The following MCPH1 variants were observed in gnomAD, a reference collection of about 807,000 sequenced individuals.
The protein encoded by MCPH1 is microcephalin.
Under a neutral mutation model 84.5 loss-of-function variants are expected in MCPH1, and 104 were observed. That is an observed-to-expected ratio of 1.23 (90% confidence interval 1.05 to 1.45). The LOEUF (loss-of-function observed/expected upper bound fraction) is 1.45. MCPH1 is among the 40% of genes most tolerant of loss of function. The pLI, the probability that MCPH1 is intolerant of heterozygous loss-of-function variation, is 0.00. For synonymous variants in MCPH1, 514 were observed against 366.8 expected (o/e 1.40, Z -4.58); for missense variants, 1,498 against 1,005.7 (o/e 1.49, Z -6.62).
intron 12 of MCPH1, among the ~76,000 whole-genome samples, chr8:6,510,652 T>C (rs775677716): frequency 2.6e-5 from 4 of 152,208 alleles, no homozygotes; most frequent in Admixed American, 1.3e-4. Flanking sequence ...GGTCAGACTC[T>C]TAAGTCATGG....
chr8:6,563,976 C>CTTTTT (rs11358428), intron 12 of MCPH1, among the ~76,000 whole-genome samples: 3 of 85,406 alleles, frequency 3.5e-5, no homozygotes, highest in Non-Finnish European at 4.9e-5. Flanking sequence ...GGAATACAAA[C>CTTTTT]TTTTTTTTTT....
At chr8:6,466,496 A>G (rs774257871) in intron 9 of MCPH1, among the ~76,000 whole-genome samples, 4 of 152,144 alleles carry the variant, frequency 2.6e-5, no homozygotes, top group Admixed American at 1.3e-4. Context: ...TTCGGTAGCA[A>G]CGAGGTTTCG....
chr8:6,408,958 T>C (rs1313892593), intron 1 of MCPH1, among the ~76,000 whole-genome samples: 2 of 151,946 alleles, frequency 1.3e-5, no homozygotes, highest in African/African-American at 4.8e-5. Context: ...CAATCTCGGC[T>C]CACTGCAACC....
chr8:6,576,683 T>A (rs1270019873), intron 12 of MCPH1, among the ~76,000 whole-genome samples: 23 of 12,086 alleles, frequency 1.9e-3, no homozygotes, highest in African/African-American at 0.015. Flanking sequence ...AATTTTTGTA[T>A]TTTTTTTTTT....
rs1813215751 is a variant in MCPH1 at position 6,505,310 on chromosome 8, A to ATGTTT, written c.2214+5381_2214+5382insTGTTT. 4.1e-5 allele frequency among the ~76,000 whole-genome samples: 3 copies of ATGTTT among 72,940 alleles called. 1 individual carries two copies. In the East Asian group the frequency reaches 1.0e-3, roughly 25 times the overall value. The allele number at this position is 72,940 out of a possible 152,430, so 47.9% of individuals were successfully genotyped here. On this transcript the variant is annotated intron_variant, in intron 12 of 13. Transcript: ENST00000344683. ...TGTTATATACATATATATGTATATA[A>ATGTTT]CATATATATGTTATATACATATAGA... is the stretch of plus-strand genomic sequence containing the variant.
intron 12 of MCPH1, among the ~76,000 whole-genome samples, chr8:6,537,483 A>T (rs1271196741): frequency 6.6e-6 from 1 of 152,024 alleles, no homozygotes; most frequent in Non-Finnish European, 1.5e-5. Context: ...CCCCAGACAT[A>T]GTCTTTAAAA....
intron 11 of MCPH1, among the ~76,000 whole-genome samples, chr8:6,488,633 G>C (rs1810219699): frequency 6.6e-6 from 1 of 152,154 alleles, no homozygotes; most frequent in African/African-American, 2.4e-5. Flanking sequence ...CTGCACCTTT[G>C]CAAGAAAGAG....
At chr8:6,527,734 A>G in intron 12 of MCPH1, 3 of 1,473,514 alleles carry the variant, frequency 2.0e-6, no homozygotes, top group Non-Finnish European at 2.7e-6. Flanking sequence ...TAACTTTCTA[A>G]CTTCCTTTTC....
rs745847798 is a variant in MCPH1 at position 6,455,220 on chromosome 8, G to A, written c.1903G>A (p.Glu635Lys). ...CTTTAAGGACCTCATCAAACCTCAT[G>A]AGGAATTGAAGAAAAGTGGGAGAGG... ...DGFKDLIKPH[E>K]ELKKSGRGKK... Residue 635 changes from glutamate to lysine, a missense_variant, in exon 9 of 14, where the codon GAG (glutamate) becomes AAG (lysine). Transcript: ENST00000344683. 1.1e-5 allele frequency: 17 copies of A among 1,613,890 alleles called. No homozygotes were observed. The African/African-American group carries it at 2.1e-4, about 20-fold the overall frequency.
At chr8:6,466,974 A>T (rs748406807) in intron 9 of MCPH1, among the ~76,000 whole-genome samples, 2 of 152,242 alleles carry the variant, frequency 1.3e-5, no homozygotes, top group Non-Finnish European at 2.9e-5. Flanking sequence ...AATATAAATT[A>T]TTTGATATTA....
At chr8:6,432,399 G>A (rs754869858) in intron 4 of MCPH1, among the ~76,000 whole-genome samples, 7 of 151,520 alleles carry the variant, frequency 4.6e-5, no homozygotes, top group Admixed American at 3.3e-4. Context: ...ATTTCCAATC[G>A]CGACTGGTTG....
chr8:6,566,356 C>T (rs1826148920), intron 12 of MCPH1, among the ~76,000 whole-genome samples: 1 of 152,110 alleles, frequency 6.6e-6, no homozygotes, highest in Admixed American at 6.5e-5. Flanking sequence ...GTTGGCAAGG[C>T]TGTCAGCAGT....
intron 13 of MCPH1, among the ~76,000 whole-genome samples, chr8:6,630,283 G>A (rs1294770047): frequency 6.6e-6 from 1 of 152,152 alleles, no homozygotes; most frequent in African/African-American, 2.4e-5. Flanking sequence ...TAGGGTTCCA[G>A]GAGAAATACT....
intron 10 of MCPH1, among the ~76,000 whole-genome samples, chr8:6,478,551 C>T (rs775587728): frequency 1.4e-4 from 21 of 152,054 alleles, no homozygotes; most frequent in Non-Finnish European, 2.2e-4. Flanking sequence ...TCTTGTCTTA[C>T]TCTTTTTTTC....
intron 12 of MCPH1, among the ~76,000 whole-genome samples, chr8:6,529,892 T>TA (rs1489316799): frequency 6.6e-6 from 1 of 151,612 alleles, no homozygotes; most frequent in Non-Finnish European, 1.5e-5. Context: ...GTTTTTTTTT[T>TA]AAATCATATG....
chr8:6,434,103 T>G (rs79541467), intron 4 of MCPH1, among the ~76,000 whole-genome samples: 49 of 152,322 alleles, frequency 3.2e-4, no homozygotes, highest in Non-Finnish European at 5.4e-4. Context: ...TTCCCACTTG[T>G]GCCAACTATG....
intron 12 of MCPH1, among the ~76,000 whole-genome samples, chr8:6,559,673 C>T (rs1277282374): frequency 6.6e-6 from 1 of 151,814 alleles, no homozygotes; most frequent in Non-Finnish European, 1.5e-5. Flanking sequence ...TTCCTCTTAT[C>T]AGAAAAAAAA....
chr8:6,487,664 T>C (rs1304118581), intron 11 of MCPH1, among the ~76,000 whole-genome samples: 1 of 152,220 alleles, frequency 6.6e-6, no homozygotes, highest in Non-Finnish European at 1.5e-5. Flanking sequence ...CCTTCAGGTC[T>C]CTCTGGCAGA....
chr8:6,630,734 C>A (rs573573099), intron 13 of MCPH1, among the ~76,000 whole-genome samples: 1 of 148,404 alleles, frequency 6.7e-6, no homozygotes, highest in Non-Finnish European at 1.5e-5. Flanking sequence ...TGAGCCGAGA[C>A]TGTGCCATTG....
Sources: allele counts gnomAD v4.1 joint callset (sites outside exome capture counted in the v4.1 genomes callset), GRCh38; gene constraint gnomAD v4.1.1; transcripts MANE v1.5; gene names NCBI Gene and HGNC (gene_info 2026-07-23, HGNC 2026-07-21).